The following ARMC8 variants were observed in gnomAD, a reference collection of about 807,000 sequenced individuals.
ARMC8 encodes the protein armadillo repeat containing 8.
ARMC8 carries 20 observed loss-of-function variants against 99.3 expected under a neutral mutation model. That is an observed-to-expected ratio of 0.20 (90% CI 0.14 to 0.29). The LOEUF (loss-of-function observed/expected upper bound fraction) is 0.29. ARMC8 is among the 10% of genes least tolerant of loss of function. ARMC8 has a pLI of 1.00. For missense variants in ARMC8, 569 were observed against 809.5 expected (o/e 0.70, Z 3.60); for synonymous variants, 263 against 278.3 (o/e 0.95, Z 0.55).
At chr3:138,224,465 C>T (rs1206786744) in intron 5 of ARMC8, among the ~76,000 whole-genome samples, 1 of 152,112 alleles carries the variant, frequency 6.6e-6, no homozygotes, top group Non-Finnish European at 1.5e-5. Context: ...TGATAAAAGT[C>T]TCCGCTGGGT....
chr3:138,274,945 C>T (rs1560030923), intron 18 of ARMC8, among the ~76,000 whole-genome samples: 1 of 152,198 alleles, frequency 6.6e-6, no homozygotes, highest in Non-Finnish European at 1.5e-5. Context: ...TAAAATAATT[C>T]CTCATCCTGG....
At chr3:138,255,206 G>GTTTT (rs1319216904) in intron 12 of ARMC8, among the ~76,000 whole-genome samples, 6 of 115,204 alleles carry the variant, frequency 5.2e-5, no homozygotes, top group Non-Finnish European at 7.5e-5. Context: ...TTTTTTTTTT[G>GTTTT]TTTTTTTTTT....
chr3:138,256,385 ATCTTTTTTTCCTCCT>A (rs1389946133), intron 12 of ARMC8, among the ~76,000 whole-genome samples: 3 of 131,420 alleles, frequency 2.3e-5, no homozygotes, highest in Non-Finnish European at 4.9e-5. Context: ...TGTAAAGTAT[ATCTTTTTTTCCTCCT>A]TCTTTTTTTT....
chr3:138,203,382 C>T (rs1300350143), intron 1 of ARMC8, among the ~76,000 whole-genome samples: 1 of 152,126 alleles, frequency 6.6e-6, no homozygotes, highest in African/African-American at 2.4e-5. Flanking sequence ...TGCCTCTGGC[C>T]CAAGATCTCT....
At position 138,223,678 on chromosome 3, in the gene ARMC8, G is replaced by C. The variant is rs1446398860; in HGVS notation, c.380G>C (p.Arg127Pro). 2 of 1,614,160 alleles carry C rather than the reference G, an allele frequency of 1.2e-6. No homozygotes were observed. Among genetic ancestry groups the C allele is most frequent in the Non-Finnish European group, 1.7e-6 (2 of 1,180,030 alleles). The stretch of plus-strand genomic sequence containing the variant: ...CTGAAGTTTATTGAAGCTTGCCTCC[G>C]ATGCCTGCGTACCATCTTCACCAGT... ...PDLKFIEACL[R>P]CLRTIFTSPV... Residue 127 changes from arginine to proline, a missense_variant, in exon 5 of 22, where the codon CGA becomes CCA. Arg to Pro is a moderately radical substitution (Grantham distance 103). This residue lies in a region of ARMC8 where 342 missense variants were observed against 391.6 expected (regional missense o/e 0.87). Transcript: ENST00000469044.
intron 1 of ARMC8, among the ~76,000 whole-genome samples, chr3:138,199,090 T>A (rs1345278464): frequency 6.6e-6 from 1 of 152,184 alleles, no homozygotes; most frequent in African/African-American, 2.4e-5. Context: ...AAGTAACATT[T>A]TAGAAACTTT....
chr3:138,236,631 T>C (rs1015960164), intron 7 of ARMC8, among the ~76,000 whole-genome samples: 1 of 152,106 alleles, frequency 6.6e-6, no homozygotes, highest in African/African-American at 2.4e-5. Context: ...ATACCCCAGC[T>C]ACCTATCCTG....
At chr3:138,246,524 C>T in intron 12 of ARMC8, 3 of 985,506 alleles carry the variant, frequency 3.0e-6, no homozygotes, top group Non-Finnish European at 3.6e-6. Flanking sequence ...GACTGTGTAA[C>T]TTAAATACAC....
chr3:138,244,665 C>T (rs545286669), intron 11 of ARMC8, among the ~76,000 whole-genome samples: 1 of 152,264 alleles, frequency 6.6e-6, no homozygotes, highest in South Asian at 2.1e-4. Flanking sequence ...GACATTGTTG[C>T]GATTTCATTC....
At chr3:138,217,576 GAAAGT>G (rs1452533214) in intron 2 of ARMC8, among the ~76,000 whole-genome samples, 1 of 152,112 alleles carries the variant, frequency 6.6e-6, no homozygotes, top group South Asian at 2.1e-4. Flanking sequence ...TCAGAGCAAA[GAAAGT>G]AAAGTAGAAA....
chr3:138,258,365 A>T (rs529241154), intron 12 of ARMC8, among the ~76,000 whole-genome samples: 1 of 152,220 alleles, frequency 6.6e-6, no homozygotes, highest in Non-Finnish European at 1.5e-5. Flanking sequence ...TTCAAAGACC[A>T]TATCTCTGAC....
At chr3:138,217,850 C>G (rs1207156645) in intron 2 of ARMC8, among the ~76,000 whole-genome samples, 1 of 152,150 alleles carries the variant, frequency 6.6e-6, no homozygotes, top group African/African-American at 2.4e-5. Flanking sequence ...TCTGTTGTTT[C>G]CTGCACCCAT....
At chr3:138,213,566 G>A (rs1334318661) in intron 2 of ARMC8, among the ~76,000 whole-genome samples, 15 of 152,090 alleles carry the variant, frequency 9.9e-5, no homozygotes, top group Admixed American at 6.5e-4. Context: ...GTCATAAAGC[G>A]TAGCCTTCGC....
intron 10 of ARMC8, among the ~76,000 whole-genome samples, chr3:138,240,844 C>T (rs2046576854): frequency 6.6e-6 from 1 of 152,004 alleles, no homozygotes; most frequent in African/African-American, 2.4e-5. Context: ...TAGTAAATGT[C>T]GTTCGAGACC....
At chr3:138,206,321 T>C (rs2044368513) in intron 1 of ARMC8, among the ~76,000 whole-genome samples, 1 of 152,222 alleles carries the variant, frequency 6.6e-6, no homozygotes, top group Non-Finnish European at 1.5e-5. Flanking sequence ...CTAGCCACAT[T>C]TCAAATTTCA....
chr3:138,269,552 CT>C (rs1486531758), intron 15 of ARMC8, among the ~76,000 whole-genome samples: 7 of 152,286 alleles, frequency 4.6e-5, no homozygotes, highest in Middle Eastern at 3.4e-3. Context: ...AGACTGACAG[CT>C]TGGAAGGAGG....
intron 19 of ARMC8, among the ~76,000 whole-genome samples, chr3:138,286,095 C>G (rs1040115451): frequency 6.6e-6 from 1 of 152,110 alleles, no homozygotes; most frequent in African/African-American, 2.4e-5. Flanking sequence ...AGGCGCGGCA[C>G]TATTGCCCGG....
Position 138,228,096 on chromosome 3 carries a change from C to G in ARMC8, c.436-822C>G, listed in dbSNP as rs553704172. Among the ~76,000 whole-genome samples the G allele has an allele frequency of 4.6e-5, 7 of 152,342 alleles. No individual in the cohort carries two copies. In the East Asian group the frequency reaches 1.3e-3, roughly 29 times the overall value. On this transcript the variant is annotated intron_variant, in intron 5 of 21. Transcript: ENST00000469044. ...TCCGATTCAAGTGATTCTTGTGTCT[C>G]AGCCTCCCAAGTAGCTGGGATTACA...
chr3:138,260,671 T>G (rs2047666394), intron 12 of ARMC8, among the ~76,000 whole-genome samples: 1 of 152,198 alleles, frequency 6.6e-6, no homozygotes, highest in South Asian at 2.1e-4. Context: ...GAGATATACT[T>G]TATTAAATGC....
Sources: gnomAD v4.1 joint callset for allele counts (sites outside exome capture counted in the v4.1 genomes callset) on GRCh38, gnomAD v4.1.1 for gene constraint, gnomAD v4.1.1 regional missense constraint, MANE v1.5 for transcripts, NCBI Gene and HGNC (gene_info 2026-07-23, HGNC 2026-07-21) for gene names.